PLCXD3: variants seen among roughly 807,000 people sequenced by gnomAD.
PLCXD3 encodes the protein PI-PLC X domain-containing protein 3.
PLCXD3 carries 19 observed loss-of-function variants against 25.5 expected under a neutral mutation model. The ratio of observed to expected loss-of-function variants is 0.75; its 90% CI spans 0.52 to 1.09. The LOEUF is 1.09. Ranked by LOEUF, PLCXD3 falls within the 50% of genes least tolerant of loss-of-function variation. PLCXD3 has a pLI of 0.00. For synonymous variants in PLCXD3, 174 were observed against 137.6 expected, an observed-to-expected ratio of 1.26 and a Z score of -1.85; for missense variants, 411 against 388.1, an observed-to-expected ratio of 1.06 and a Z score of -0.50.
At chr5:41,359,198 C>T (rs1744705032) in intron 2 of PLCXD3, among the ~76,000 whole-genome samples, 1 of 152,076 alleles carries the variant, frequency 6.6e-6, no homozygotes, top group South Asian at 2.1e-4. Context: ...ATGTCCTTCC[C>T]TGGTTTTGGT....
chr5:41,423,912 A>G (rs1195246443), intron 1 of PLCXD3, among the ~76,000 whole-genome samples: 1 of 152,230 alleles, frequency 6.6e-6, no homozygotes. Flanking sequence ...ACTAATTAAA[A>G]TACCCATCAC....
intron 2 of PLCXD3, among the ~76,000 whole-genome samples, chr5:41,323,247 G>A (rs1406983436): frequency 6.6e-6 from 1 of 152,152 alleles, no homozygotes; most frequent in African/African-American, 2.4e-5. Flanking sequence ...TATGGATGAG[G>A]TGGGGTGGTT....
At chr5:41,454,679 T>C (rs2150515313) in intron 1 of PLCXD3, among the ~76,000 whole-genome samples, 1 of 152,028 alleles carries the variant, frequency 6.6e-6, no homozygotes, top group East Asian at 1.9e-4. Context: ...CATGTAGTGA[T>C]GGAAGCAGAG....
At chr5:41,323,511 T>C (rs377452061) in intron 2 of PLCXD3, among the ~76,000 whole-genome samples, 1 of 151,570 alleles carries the variant, frequency 6.6e-6, no homozygotes, top group African/African-American at 2.4e-5. Context: ...CCCACAAAAA[T>C]GAAAAAGAAA....
chr5:41,417,379 C>T (rs1746718514), intron 1 of PLCXD3, among the ~76,000 whole-genome samples: 1 of 152,174 alleles, frequency 6.6e-6, no homozygotes, highest in Non-Finnish European at 1.5e-5. Context: ...GGTCAGCCTC[C>T]TCCTTTTCAT....
At chr5:41,372,296 TCTCACACACA>T (rs1443090865) in intron 2 of PLCXD3, among the ~76,000 whole-genome samples, 25 of 132,848 alleles carry the variant, frequency 1.9e-4, no homozygotes, top group African/African-American at 5.9e-4. Context: ...TCTCTCTCTC[TCTCACACACA>T]CACACACACA....
chr5:41,506,151 C>A (rs577242387), intron 1 of PLCXD3, among the ~76,000 whole-genome samples: 1 of 152,222 alleles, frequency 6.6e-6, no homozygotes, highest in Admixed American at 6.5e-5. Context: ...TGATGTTGGT[C>A]CCTGAACCAA....
intron 1 of PLCXD3, among the ~76,000 whole-genome samples, chr5:41,493,222 A>C (rs1310608381): frequency 6.6e-6 from 1 of 152,214 alleles, no homozygotes; most frequent in African/African-American, 2.4e-5. Flanking sequence ...CCTGGGTACC[A>C]GCAGGGGTGG....
intron 1 of PLCXD3, among the ~76,000 whole-genome samples, chr5:41,460,335 A>G (rs528481105): frequency 1.3e-5 from 2 of 152,116 alleles, no homozygotes; most frequent in African/African-American, 4.8e-5. Context: ...ATGTATAAAC[A>G]GAGGTGCTTA....
rs766445329 is a variant in PLCXD3, at chr5:41,353,697, T to C, written c.812+28129A>G. On this transcript the variant is annotated intron_variant, in intron 2 of 2. Transcript: ENST00000377801. ...AATAAATGAATTATTAGGTAAAATATGGAGTTACGTTGTGTGATGAAATCA... is the reference window on the plus strand; with the variant it reads ...AATAAATGAATTATTAGGTAAAATACGGAGTTACGTTGTGTGATGAAATCA... Among the ~76,000 whole-genome samples, 6 of 152,184 alleles carry C rather than the reference T, an allele frequency of 3.9e-5. No homozygotes were observed. The East Asian group carries it at 1.2e-3, about 29-fold the overall frequency.
At chr5:41,351,269 C>T (rs889795476) in intron 2 of PLCXD3, among the ~76,000 whole-genome samples, 2 of 152,096 alleles carry the variant, frequency 1.3e-5, no homozygotes, top group Non-Finnish European at 2.9e-5. Context: ...TTTCTCACTC[C>T]CCATTCCCCA....
chr5:41,342,315 G>A (rs190928391), intron 2 of PLCXD3, among the ~76,000 whole-genome samples: 4 of 152,234 alleles, frequency 2.6e-5, no homozygotes, highest in South Asian at 2.1e-4. Flanking sequence ...GTTGAAGAGC[G>A]AGCCTAGAAA....
At chr5:41,471,727 TA>T (rs888655533) in intron 1 of PLCXD3, among the ~76,000 whole-genome samples, 1 of 151,922 alleles carries the variant, frequency 6.6e-6, no homozygotes, top group African/African-American at 2.4e-5. Flanking sequence ...ATCTTACATA[TA>T]AAGGCTAAAT....
chr5:41,490,404 G>A (rs1748635845), intron 1 of PLCXD3, among the ~76,000 whole-genome samples: 1 of 151,962 alleles, frequency 6.6e-6, no homozygotes, highest in Non-Finnish European at 1.5e-5. Context: ...CTCTTTTTTG[G>A]TTGTGTCTCT....
chr5:41,421,934 A>G (rs1379568544), intron 1 of PLCXD3, among the ~76,000 whole-genome samples: 33 of 152,124 alleles, frequency 2.2e-4, no homozygotes, highest in Admixed American at 2.2e-3. Context: ...TTTTCTTCAT[A>G]TATTTACTAT....
Position 41,312,745 on chromosome 5 carries a change from T to G in PLCXD3, c.*872A>C, listed in dbSNP as rs1743173082. ...CCTTCCTTCCTTCCTTCTGTCTTTT[T>G]CTTTCATCAAGAGCATCATTAAGAG... On this transcript the variant is annotated 3_prime_UTR_variant, in exon 3 of 3. Coordinates refer to ENST00000377801, the MANE Select transcript of PLCXD3 (RefSeq NM_001005473.3). The G allele has an allele frequency of 7.1e-6, 1 of 141,056 alleles. No homozygotes were observed. The highest frequency in any genetic ancestry group is 2.5e-5 in the African/African-American group (1 of 39,410). The allele number at this position is 141,056 out of a possible 1,614,324, so 8.7% of individuals were successfully genotyped here.
intron 1 of PLCXD3, among the ~76,000 whole-genome samples, chr5:41,466,731 G>A (rs1054675336): frequency 3.3e-5 from 5 of 151,808 alleles, no homozygotes; most frequent in Non-Finnish European, 7.4e-5. Flanking sequence ...CTCAGCCTCT[G>A]GTAATCATAG....
At chr5:41,333,698 A>G (rs1743898531) in intron 2 of PLCXD3, among the ~76,000 whole-genome samples, 1 of 149,832 alleles carries the variant, frequency 6.7e-6, no homozygotes, top group African/African-American at 2.4e-5. Context: ...GAAAAACAAT[A>G]CTCTAGCAAG....
At chr5:41,361,484 T>G (rs909283723) in intron 2 of PLCXD3, among the ~76,000 whole-genome samples, 2 of 152,182 alleles carry the variant, frequency 1.3e-5, no homozygotes, top group African/African-American at 2.4e-5. Flanking sequence ...ATGATGTGAG[T>G]CTCCACATGT....
Sources: gnomAD v4.1 joint callset for allele counts (sites outside exome capture counted in the v4.1 genomes callset) on GRCh38, gnomAD v4.1.1 for gene constraint, MANE v1.5 for transcripts, NCBI Gene and HGNC (gene_info 2026-07-23, HGNC 2026-07-21) for gene names.